The following CFH variants were observed in gnomAD, a reference collection of about 807,000 sequenced individuals.
CFH encodes H factor 1 (complement).
A neutral mutation model predicts 147.3 loss-of-function variants in CFH; 53 were observed. The ratio of observed to expected loss-of-function variants is 0.36; its 90% confidence interval spans 0.29 to 0.45. CFH has a LOEUF of 0.45. CFH is among the 20% of genes least tolerant of loss of function. The probability of loss-of-function intolerance (pLI) is 1.00; values close to 1 mark genes in which losing one functional copy is unlikely to be tolerated. For missense variants in CFH, 1,380 were observed against 1,498.0 expected (o/e 0.92, Z 1.30); for synonymous variants, 536 against 489.4 (o/e 1.10, Z -1.26).
At chr1:196,683,889 T>C (rs1667738049) in intron 6 of CFH, among the ~76,000 whole-genome samples, 1 of 151,758 alleles carries the variant, frequency 6.6e-6, no homozygotes, top group South Asian at 2.1e-4. Context: ...TATGGATCAT[T>C]TACCATGGGA....
chr1:196,696,552 T>A (rs1049651774), intron 9 of CFH, among the ~76,000 whole-genome samples: 2 of 152,110 alleles, frequency 1.3e-5, no homozygotes, highest in South Asian at 4.1e-4. Flanking sequence ...TTAAAAGAAA[T>A]AGAGCTTGAT....
chr1:196,698,027 A>C (rs1185967563), intron 9 of CFH, among the ~76,000 whole-genome samples: 1 of 131,910 alleles, frequency 7.6e-6, no homozygotes, highest in Non-Finnish European at 1.6e-5. Flanking sequence ...GGGGGGAGGG[A>C]TAGCATTAGG....
chr1:196,728,461 A>G lies in CFH; in HGVS notation c.2352A>G (p.Lys784=). ...NSNIRYRCRG[K]EGWIHTVCIN... ...ACATAAGGTACAGATGTAGAGGAAA[A>G]GAAGGATGGATACACACAGTCTGCA... The change falls in exon 15 of 22, where the codon AAA becomes AAG. Residue 784 remains lysine (K), a synonymous_variant. Coordinates refer to ENST00000367429, the MANE Select transcript of CFH (RefSeq NM_000186.4). The G allele has an allele frequency of 6.2e-7, 1 of 1,612,990 alleles. No individual in the cohort carries two copies. Among genetic ancestry groups the G allele is most frequent in the Non-Finnish European group, 8.5e-7 (1 of 1,179,220 alleles).
At chr1:196,690,495 G>A (rs1667988139) in intron 9 of CFH, 2 of 523,468 alleles carry the variant, frequency 3.8e-6, no homozygotes, top group Admixed American at 3.0e-5. Context: ...CACAATACTT[G>A]TTGGTTAAAT....
At chr1:196,692,494 T>A (rs144783486) in intron 9 of CFH, 34 of 200,760 alleles carry the variant, frequency 1.7e-4, no homozygotes, top group African/African-American at 7.4e-4. Flanking sequence ...AATCAACTAC[T>A]TATTTTTTCT....
intron 5 of CFH, chr1:196,679,287 T>C (rs1558157178): frequency 5.3e-6 from 1 of 187,734 alleles, no homozygotes; most frequent in East Asian, 1.5e-4. Flanking sequence ...AACTAGAAGA[T>C]GTGTTATTTT....
Position 196,726,577 on chromosome 1 carries a change from C to A in CFH, c.1981C>A (p.Pro661Thr). The A allele has an allele frequency of 6.2e-7, 1 of 1,612,660 alleles. No homozygotes were observed. The highest frequency in any genetic ancestry group is 8.5e-7 in the Non-Finnish European group (1 of 1,178,880). Residue 661 changes from proline (P) to threonine (T), a missense_variant, in exon 13 of 22, where the codon CCT becomes ACT. Around this residue, in one of 4 missense-constraint regions of CFH, gnomAD observed 830 missense variants for 821.4 expected, o/e 1.01. Transcript: ENST00000367429. The stretch of plus-strand genomic sequence containing the variant: ...TGAAGTGGTGGAATATTATTGCAAT[C>A]CTAGATTTCTAATGAAGGGACCTAA... ...HSEVVEYYCN[P>T]RFLMKGPNKI...
chr1:196,673,967 G>A lies in CFH; in HGVS notation c.350+5G>A, dbSNP rs1667372298. On this transcript the variant is annotated splice_donor_5th_base_variant and intron_variant, in intron 3 of 21. Coordinates refer to ENST00000367429, the MANE Select transcript of CFH (RefSeq NM_000186.4). ...TGTGTATACATGTAATGAGGGGTAT[G>A]TAGTCCATACGAAAAGAGGTTTATA... The A allele has an allele frequency of 1.3e-6, 2 of 1,572,770 alleles. No individual in the cohort carries two copies. The highest frequency in any genetic ancestry group is 1.3e-5 in the African/African-American group (1 of 74,164).
chr1:196,667,194 CAACT>C (rs1335521033), intron 1 of CFH, among the ~76,000 whole-genome samples: 2 of 152,092 alleles, frequency 1.3e-5, no homozygotes, highest in Admixed American at 6.5e-5. Flanking sequence ...GTAAAACAAC[CAACT>C]ATTTTTTAAA....
intron 20 of CFH, among the ~76,000 whole-genome samples, chr1:196,744,911 C>G (rs1043833290): frequency 3.3e-5 from 5 of 152,074 alleles, no homozygotes; most frequent in Admixed American, 2.6e-4. Flanking sequence ...ATCCCTTTCT[C>G]TGAGAATGTC....
chr1:196,661,604 C>T (rs1666908480), intron 1 of CFH, among the ~76,000 whole-genome samples: 1 of 152,214 alleles, frequency 6.6e-6, no homozygotes, highest in Non-Finnish European at 1.5e-5. Flanking sequence ...CAAATCATGA[C>T]AGCTCCACCT....
intron 10 of CFH, among the ~76,000 whole-genome samples, chr1:196,714,703 A>AGAGG (rs1558173575): frequency 7.8e-5 from 10 of 128,820 alleles, no homozygotes; most frequent in African/African-American, 2.9e-4. Flanking sequence ...AGAGAGAGAG[A>AGAGG]GAGAGAGAGA....
intron 1 of CFH, among the ~76,000 whole-genome samples, chr1:196,656,729 G>T (rs1479913185): frequency 1.5e-5 from 2 of 131,168 alleles, no homozygotes; most frequent in Non-Finnish European, 3.1e-5. Context: ...TAATTGTACT[G>T]TCTCTTTGTG....
intron 17 of CFH, among the ~76,000 whole-genome samples, chr1:196,738,072 C>T (rs185074605): frequency 8.5e-5 from 13 of 152,154 alleles, no homozygotes; most frequent in East Asian, 7.7e-4. Flanking sequence ...AAGTTCTGAC[C>T]AAAGGGAAAA....
chr1:196,665,501 C>T (rs1336230068), intron 1 of CFH, among the ~76,000 whole-genome samples: 1 of 151,802 alleles, frequency 6.6e-6, no homozygotes, highest in Non-Finnish European at 1.5e-5. Context: ...TTTGTTTAAA[C>T]CTAACTCTTT....
chr1:196,735,721 A>G (rs926993019), intron 15 of CFH, among the ~76,000 whole-genome samples: 2 of 152,128 alleles, frequency 1.3e-5, no homozygotes, highest in African/African-American at 4.8e-5. Context: ...CATTAATCTT[A>G]AGAAAAATAA....
chr1:196,716,493 G>T (rs1668873411), intron 11 of CFH, among the ~76,000 whole-genome samples: 1 of 152,056 alleles, frequency 6.6e-6, no homozygotes, highest in South Asian at 2.1e-4. Flanking sequence ...AAAAGGAATG[G>T]TATAATTTGA....
chr1:196,665,725 A>T (rs1224390481), intron 1 of CFH, among the ~76,000 whole-genome samples: 1 of 152,136 alleles, frequency 6.6e-6, no homozygotes, highest in Non-Finnish European at 1.5e-5. Context: ...CTCCTGCCTC[A>T]CGCCCCCACG....
chr1:196,682,210 A>C (rs530620370), intron 6 of CFH, among the ~76,000 whole-genome samples: 5 of 151,844 alleles, frequency 3.3e-5, no homozygotes, highest in African/African-American at 1.2e-4. Flanking sequence ...ATCCGAATCT[A>C]TCTCTTCCCT....
Sources: allele counts gnomAD v4.1 joint callset (sites outside exome capture counted in the v4.1 genomes callset), GRCh38; gene constraint gnomAD v4.1.1; regional missense constraint gnomAD v4.1.1; transcripts MANE v1.5; gene names NCBI Gene and HGNC (gene_info 2026-07-23, HGNC 2026-07-21).